ATG10: variants seen among roughly 807,000 people sequenced by gnomAD.
The protein encoded by ATG10 is autophagy related 10, also known as ubiquitin-like-conjugating enzyme ATG10.
ATG10 carries 30 observed loss-of-function variants against 32.1 expected under a neutral mutation model. That is an observed-to-expected ratio of 0.94 (90% confidence interval 0.70 to 1.27). The LOEUF (loss-of-function observed/expected upper bound fraction) is 1.27, where lower values mean the gene tolerates loss of function less well. Among genes scored for constraint, ATG10 ranks in the 50% most tolerant of loss-of-function variants. The pLI, the probability that ATG10 is intolerant of heterozygous loss-of-function variation, is 0.00. For synonymous variants in ATG10, 87 were observed against 91.5 expected, an observed-to-expected ratio of 0.95 and a Z score of 0.28; for missense variants, 233 against 262.3, an observed-to-expected ratio of 0.89 and a Z score of 0.77.
intron 2 of ATG10, among the ~76,000 whole-genome samples, chr5:82,048,617 C>T (rs945013585): frequency 9.3e-4 from 141 of 152,192 alleles, no homozygotes; most frequent in African/African-American, 3.3e-3. Context: ...AGGCAACCTA[C>T]AAAATGGGAG....
At chr5:82,093,090 T>C (rs575935423) in intron 3 of ATG10, among the ~76,000 whole-genome samples, 1 of 152,330 alleles carries the variant, frequency 6.6e-6, no homozygotes, top group East Asian at 1.9e-4. Context: ...GCTTTATCAC[T>C]GACTTTAAGC....
chr5:82,157,804 C>T lies in ATG10; in HGVS notation c.217-6595C>T, dbSNP rs928299874. Among the ~76,000 whole-genome samples the T allele has an allele frequency of 9.2e-5, 14 of 152,134 alleles. 1 individual carries two copies. Among genetic ancestry groups the T allele is most frequent in the Non-Finnish European group, 2.9e-5 (2 of 68,036 alleles). Reference sequence around the variant, plus strand: ...TGGTTTCTGTGTCCAGTCTTCAGTACAGCTAAGGACTGTGGACTGTCTTTG... The same window carrying T: ...TGGTTTCTGTGTCCAGTCTTCAGTATAGCTAAGGACTGTGGACTGTCTTTG... On this transcript the variant is annotated intron_variant, in intron 3 of 7. Transcript: ENST00000282185.
chr5:82,057,121 A>G (rs1481318457), intron 2 of ATG10, among the ~76,000 whole-genome samples: 1 of 152,194 alleles, frequency 6.6e-6, no homozygotes, highest in Non-Finnish European at 1.5e-5. Flanking sequence ...AGAGGCATCA[A>G]CCAATCAGAA....
At chr5:82,066,132 G>A (rs925846894) in intron 3 of ATG10, among the ~76,000 whole-genome samples, 4 of 152,026 alleles carry the variant, frequency 2.6e-5, no homozygotes, top group Non-Finnish European at 2.9e-5. Context: ...TATGTAACTC[G>A]TGTTCTAGCC....
chr5:82,010,685 CTAACACTAGGTCTAATAGTA>C (rs1162974932), intron 2 of ATG10, among the ~76,000 whole-genome samples: 1 of 152,158 alleles, frequency 6.6e-6, no homozygotes, highest in Admixed American at 6.5e-5. Flanking sequence ...CCTTACTGAA[CTAACACTAGGTCTAATAGTA>C]TAAAAAGTAA....
At chr5:82,082,955 C>T (rs1764535365) in intron 3 of ATG10, among the ~76,000 whole-genome samples, 1 of 152,200 alleles carries the variant, frequency 6.6e-6, no homozygotes, top group Non-Finnish European at 1.5e-5. Context: ...GTGATTTCTG[C>T]ATTTCCAACT....
At chr5:82,206,970 G>A (rs1252190848) in intron 5 of ATG10, among the ~76,000 whole-genome samples, 1 of 152,060 alleles carries the variant, frequency 6.6e-6, no homozygotes, top group Admixed American at 6.5e-5. Flanking sequence ...CCATGTAGTA[G>A]GAGTTCATTA....
At position 82,010,161 on chromosome 5, in the gene ATG10, C is replaced by G. The variant is rs940164876; in HGVS notation, c.108+22483C>G. The G allele has an allele frequency of 1.1e-5, 15 of 1,316,044 alleles. No homozygotes were observed. In the Admixed American group the frequency reaches 2.8e-4, roughly 25 times the overall value. The allele number at this position is 1,316,044 out of a possible 1,614,324, so 81.5% of individuals were successfully genotyped here. A position where few individuals can be genotyped will look rare whatever the true frequency, so the allele number is the denominator to read the frequency against. ...GCCGCTTTCTTATATTTCTTGTCCTCAAGGTCTTGGAGAATGTTTCCAAGT... is the reference window on the plus strand; with the variant it reads ...GCCGCTTTCTTATATTTCTTGTCCTGAAGGTCTTGGAGAATGTTTCCAAGT... On this transcript the variant is annotated intron_variant, in intron 2 of 7. Coordinates refer to ENST00000282185, the MANE Select transcript of ATG10 (RefSeq NM_031482.5).
intron 3 of ATG10, among the ~76,000 whole-genome samples, chr5:82,129,603 C>G (rs1247553329): frequency 6.6e-6 from 1 of 152,146 alleles, no homozygotes; most frequent in East Asian, 1.9e-4. Context: ...TCAGGCCTCT[C>G]TGCTGCAGGA....
At chr5:81,972,660 A>G (rs1455293036) in intron 1 of ATG10, 1 of 152,242 alleles carries the variant, frequency 6.6e-6, no homozygotes, top group African/African-American at 2.4e-5. Flanking sequence ...AACAGTATTA[A>G]ATTACTGGGG....
At chr5:82,039,560 A>G (rs1284647083) in intron 2 of ATG10, among the ~76,000 whole-genome samples, 1 of 152,246 alleles carries the variant, frequency 6.6e-6, no homozygotes, top group African/African-American at 2.4e-5. Flanking sequence ...TACGGTTGTA[A>G]TCAAACTGTA....
At chr5:82,061,650 T>G (rs1033859356) in intron 3 of ATG10, among the ~76,000 whole-genome samples, 1 of 149,702 alleles carries the variant, frequency 6.7e-6, no homozygotes, top group Non-Finnish European at 1.5e-5. Context: ...AATTGATTAA[T>G]TATATGTGTA....
intron 5 of ATG10, among the ~76,000 whole-genome samples, chr5:82,240,456 T>C (rs6452449): frequency 0.58 from 88,256 of 151,564 alleles, 27,767 homozygotes; most frequent in African/African-American, 0.8. Flanking sequence ...TACGAGGAAG[T>C]TAAAATAATT....
intron 2 of ATG10, among the ~76,000 whole-genome samples, chr5:82,008,513 A>G (rs893360303): frequency 6.6e-6 from 1 of 151,480 alleles, no homozygotes; most frequent in Non-Finnish European, 1.5e-5. Context: ...TTTGAATACT[A>G]TTTTTAAAGA....
At chr5:82,070,450 T>C (rs1764092997) in intron 3 of ATG10, among the ~76,000 whole-genome samples, 1 of 152,168 alleles carries the variant, frequency 6.6e-6, no homozygotes, top group Non-Finnish European at 1.5e-5. Context: ...CCTTTAAGTT[T>C]TTTAGATATG....
At chr5:82,124,491 T>A (rs11739335) in intron 3 of ATG10, among the ~76,000 whole-genome samples, 9,486 of 151,544 alleles carry the variant, frequency 0.063, 375 homozygotes, top group Non-Finnish European at 0.09. Flanking sequence ...GATGTTCCCC[T>A]CCCTGTGCCG....
chr5:82,125,122 C>T (rs1181154339), intron 3 of ATG10, among the ~76,000 whole-genome samples: 1 of 152,166 alleles, frequency 6.6e-6, no homozygotes, highest in Admixed American at 6.5e-5. Context: ...CCTTCACCCA[C>T]TTTTTGATGG....
At chr5:81,976,944 T>C (rs1187702106) in intron 1 of ATG10, among the ~76,000 whole-genome samples, 3 of 152,200 alleles carry the variant, frequency 2.0e-5, no homozygotes, top group African/African-American at 4.8e-5. Flanking sequence ...AGTGCAGTTA[T>C]GGCTCACTGC....
chr5:82,040,612 T>A (rs1223707121), intron 2 of ATG10, among the ~76,000 whole-genome samples: 1 of 152,244 alleles, frequency 6.6e-6, no homozygotes, highest in Non-Finnish European at 1.5e-5. Context: ...TAGTATGACT[T>A]AAACAATTCC....
Sources: gnomAD v4.1 joint callset for allele counts (sites outside exome capture counted in the v4.1 genomes callset) on GRCh38, gnomAD v4.1.1 for gene constraint, MANE v1.5 for transcripts, NCBI Gene and HGNC (gene_info 2026-07-23, HGNC 2026-07-21) for gene names.